The following WDR43 variants were observed in gnomAD, a reference collection of about 807,000 sequenced individuals.
WDR43 encodes WD repeat-containing protein 43.
A neutral mutation model predicts 91.4 loss-of-function variants in WDR43; 13 were observed. The observed-to-expected ratio is 0.14, with a 90% CI of 0.09 to 0.23. The LOEUF is 0.23. WDR43 is among the 10% of genes least tolerant of loss of function. The probability of loss-of-function intolerance (pLI) is 1.00; values close to 1 mark genes in which losing one functional copy is unlikely to be tolerated. For missense variants in WDR43, 780 were observed against 809.4 expected (o/e 0.96, Z 0.44); for synonymous variants, 331 against 287.9 (o/e 1.15, Z -1.51).
At chr2:28,934,137 T>C (rs2148195996) in intron 11 of WDR43, among the ~76,000 whole-genome samples, 1 of 152,348 alleles carries the variant, frequency 6.6e-6, no homozygotes, top group East Asian at 1.9e-4. Flanking sequence ...GTGTTATTAA[T>C]AGACCAGTAG....
At chr2:28,922,800 T>TTTTG (rs1553327949) in intron 6 of WDR43, 119 bp from the exon 7 acceptor site, 8 of 369,722 alleles carry the variant, frequency 2.2e-5, no homozygotes, top group Non-Finnish European at 3.7e-5. Context: ...TTGCTGTGTT[T>TTTTG]TTTTTTTTTT....
At chr2:28,900,533 G>A (rs1372501119) in intron 1 of WDR43, among the ~76,000 whole-genome samples, 1 of 152,074 alleles carries the variant, frequency 6.6e-6, no homozygotes, top group Non-Finnish European at 1.5e-5. Context: ...GATGGTACTA[G>A]GTTAATGTAC....
intron 7 of WDR43, among the ~76,000 whole-genome samples, chr2:28,924,268 A>G (rs1156992783): frequency 6.6e-6 from 1 of 152,194 alleles, no homozygotes; most frequent in East Asian, 1.9e-4. Flanking sequence ...TAATGTTAGA[A>G]GTAATGACCT....
intron 6 of WDR43, among the ~76,000 whole-genome samples, chr2:28,918,432 G>A (rs573282872): frequency 2.0e-5 from 3 of 151,814 alleles, no homozygotes; most frequent in South Asian, 2.1e-4. Flanking sequence ...GCAATGGCAC[G>A]GTCGCGACTA....
chr2:28,907,473 G>T (rs1203932179), intron 3 of WDR43, among the ~76,000 whole-genome samples: 1 of 149,808 alleles, frequency 6.7e-6, no homozygotes. Flanking sequence ...AAAAAATTGG[G>T]TGTGGTGGCA....
chr2:28,942,619 CTT>C (rs11379144), intron 16 of WDR43, among the ~76,000 whole-genome samples: 26 of 139,538 alleles, frequency 1.9e-4, no homozygotes, highest in Non-Finnish European at 2.3e-4. Context: ...TTTTTCTTTT[CTT>C]TTTTTTTTTT....
At chr2:28,897,534 G>A (rs932337380) in intron 1 of WDR43, among the ~76,000 whole-genome samples, 2 of 152,172 alleles carry the variant, frequency 1.3e-5, no homozygotes, top group African/African-American at 2.4e-5. Flanking sequence ...GTGTAGTATG[G>A]CCTAGTATGT....
intron 14 of WDR43, 27 bp downstream of exon 14, chr2:28,938,021 A>C (rs1230920203): frequency 4.3e-6 from 7 of 1,610,224 alleles, no homozygotes; most frequent in East Asian, 2.2e-5. Context: ...TCTGTTGCCG[A>C]GTATGAATAG....
At chr2:28,932,198 T>C (rs1671261223) in intron 11 of WDR43, among the ~76,000 whole-genome samples, 1 of 152,068 alleles carries the variant, frequency 6.6e-6, no homozygotes, top group Non-Finnish European at 1.5e-5. Context: ...GATTGATCGA[T>C]TGTCGCCCAG....
intron 11 of WDR43, chr2:28,930,023 G>A (rs906580840): frequency 7.9e-6 from 4 of 504,732 alleles, no homozygotes; most frequent in Non-Finnish European, 1.6e-5. Flanking sequence ...ATAATACTCA[G>A]CATTCTAGAT....
intron 2 of WDR43, among the ~76,000 whole-genome samples, chr2:28,904,825 G>A (rs984846842): frequency 6.6e-6 from 1 of 152,202 alleles, no homozygotes; most frequent in African/African-American, 2.4e-5. Context: ...GTAATTTTGA[G>A]TAATCACTTT....
intron 6 of WDR43, among the ~76,000 whole-genome samples, chr2:28,920,384 C>T (rs1050067929): frequency 2.6e-5 from 4 of 151,500 alleles, no homozygotes; most frequent in Admixed American, 1.3e-4. Context: ...TATCACCACG[C>T]CTGGCTAATT....
At chr2:28,913,165 A>G (rs1397818653) in intron 4 of WDR43, among the ~76,000 whole-genome samples, 7 of 152,236 alleles carry the variant, frequency 4.6e-5, no homozygotes, top group African/African-American at 1.4e-4. Context: ...CGTGTTAGCT[A>G]TGATGGTCTC....
chr2:28,935,472 C>A, intron 11 of WDR43, 49 bp from the exon 12 acceptor site: 2 of 1,318,908 alleles, frequency 1.5e-6, no homozygotes, highest in Non-Finnish European at 2.1e-6. Context: ...CTGTGATGTC[C>A]TTGGTTTGTC....
intron 11 of WDR43, among the ~76,000 whole-genome samples, chr2:28,932,071 G>T (rs1279493104): frequency 1.3e-5 from 2 of 151,984 alleles, no homozygotes; most frequent in Non-Finnish European, 2.9e-5. Context: ...TAGAGACAGG[G>T]TCTGCTGTGT....
intron 16 of WDR43, among the ~76,000 whole-genome samples, chr2:28,942,758 G>A (rs1671464864): frequency 6.6e-6 from 1 of 151,780 alleles, no homozygotes; most frequent in Non-Finnish European, 1.5e-5. Flanking sequence ...TGGGACTACA[G>A]GCGTGCACCA....
intron 3 of WDR43, among the ~76,000 whole-genome samples, chr2:28,910,831 G>A (rs1490043644): frequency 6.6e-6 from 1 of 151,694 alleles, no homozygotes; most frequent in East Asian, 1.9e-4. Context: ...CCGAGTACCT[G>A]GGATTGCAAG....
intron 1 of WDR43, chr2:28,895,455 C>CT (rs1205086510): frequency 3.3e-5 from 5 of 152,526 alleles, no homozygotes; most frequent in Admixed American, 3.3e-4. Flanking sequence ...TTGTGGGACT[C>CT]TCAACTCTTA....
chr2:28,928,011 C>T (rs147877573), intron 10 of WDR43: 327 of 233,196 alleles, frequency 1.4e-3, no homozygotes, highest in Non-Finnish European at 1.8e-3. Context: ...TTGGGTTTCG[C>T]ATGTTGCTGA....
Sources: allele counts gnomAD v4.1 joint callset (sites outside exome capture counted in the v4.1 genomes callset), GRCh38; gene constraint gnomAD v4.1.1; transcripts MANE v1.5; gene names NCBI Gene and HGNC (gene_info 2026-07-23, HGNC 2026-07-21).